CDH13: variants seen among roughly 807,000 people sequenced by gnomAD.
CDH13 encodes cadherin-13.
CDH13 carries 24 observed loss-of-function variants against 63.8 expected under a neutral mutation model. The observed-to-expected ratio is 0.38, with a 90% CI of 0.27 to 0.53. The LOEUF (loss-of-function observed/expected upper bound fraction) is 0.53. Among genes scored for constraint, CDH13 ranks in the 20% least tolerant of loss-of-function variants. The pLI, the probability that CDH13 is intolerant of heterozygous loss-of-function variation, is 0.85. For synonymous variants in CDH13, 503 were observed against 355.3 expected, an observed-to-expected ratio of 1.42 and a Z score of -4.67; for missense variants, 1,049 against 903.1, an observed-to-expected ratio of 1.16 and a Z score of -2.07.
Position 83,500,225 on chromosome 16 carries a change from TTTCTTCTCCTTCTTC to T in CDH13, c.960+13578_960+13592del, listed in dbSNP as rs1231985299. ...ACATTTGAATTCAGACACTAGTTTC[TTTCTTCTCCTTCTTC>T]TTCTTCTTCTTCTTCTTCTTCTTCT... On this transcript the variant is annotated intron_variant, in intron 7 of 13. Transcript: ENST00000567109. Among the ~76,000 whole-genome samples the T allele has an allele frequency of 8.1e-3, 255 of 31,566 alleles. 91 individuals carry two copies. The highest frequency in any genetic ancestry group is 0.027 in the African/African-American group (243 of 8,874). The allele number at this position is 31,566 out of a possible 152,430, so 20.7% of individuals were successfully genotyped here. A position where few individuals can be genotyped will look rare whatever the true frequency, so the allele number is the denominator to read the frequency against.
intron 6 of CDH13, among the ~76,000 whole-genome samples, chr16:83,481,116 T>C (rs914474890): frequency 2.0e-5 from 3 of 152,208 alleles, no homozygotes; most frequent in Non-Finnish European, 4.4e-5. Flanking sequence ...ATCAAAGAGG[T>C]TCACCTGGTG....
At chr16:83,662,517 C>T (rs979958905) in intron 8 of CDH13, among the ~76,000 whole-genome samples, 1 of 152,132 alleles carries the variant, frequency 6.6e-6, no homozygotes, top group Non-Finnish European at 1.5e-5. Context: ...CTGGGATTTG[C>T]TCCAAACAGT....
intron 4 of CDH13, among the ~76,000 whole-genome samples, chr16:83,203,033 C>G (rs1003502402): frequency 7.3e-5 from 11 of 151,598 alleles, no homozygotes; most frequent in African/African-American, 2.7e-4. Flanking sequence ...CGAGACCAGC[C>G]TGACCACCAT....
intron 7 of CDH13, among the ~76,000 whole-genome samples, chr16:83,494,147 T>C (rs1219337233): frequency 1.3e-5 from 2 of 152,200 alleles, no homozygotes; most frequent in African/African-American, 4.8e-5. Context: ...TTTCTTTTCT[T>C]TTTGGTATTT....
intron 1 of CDH13, among the ~76,000 whole-genome samples, chr16:82,733,358 T>G (rs2033499949): frequency 7.1e-6 from 1 of 140,718 alleles, no homozygotes; most frequent in South Asian, 2.4e-4. Context: ...TTATTATAAT[T>G]TATTTTTGCT....
At chr16:83,248,106 A>G (rs549103063) in intron 5 of CDH13, among the ~76,000 whole-genome samples, 27 of 152,278 alleles carry the variant, frequency 1.8e-4, no homozygotes, top group African/African-American at 6.3e-4. Flanking sequence ...TAATGAGATC[A>G]GAGACAGGGG....
At chr16:83,233,118 A>G (rs578152414) in intron 5 of CDH13, among the ~76,000 whole-genome samples, 2 of 152,320 alleles carry the variant, frequency 1.3e-5, no homozygotes, top group Non-Finnish European at 2.9e-5. Context: ...CTTCCTAAGT[A>G]AACAAAATAA....
intron 1 of CDH13, among the ~76,000 whole-genome samples, chr16:82,704,226 A>G (rs187367172): frequency 6.6e-6 from 1 of 152,262 alleles, no homozygotes; most frequent in Admixed American, 6.5e-5. Context: ...CTAGGGGCAC[A>G]CTGCCTCTAG....
intron 7 of CDH13, among the ~76,000 whole-genome samples, chr16:83,511,654 A>T (rs555571230): frequency 6.6e-6 from 1 of 152,334 alleles, no homozygotes; most frequent in South Asian, 2.1e-4. Context: ...AAATTCTGAT[A>T]TGAGCATCAC....
chr16:83,405,985 C>T (rs1003636874), intron 6 of CDH13, among the ~76,000 whole-genome samples: 20 of 152,236 alleles, frequency 1.3e-4, no homozygotes, highest in Non-Finnish European at 2.1e-4. Context: ...ACCTGGATCT[C>T]GGCTGCAGCT....
rs114141713 is a variant in CDH13, at chr16:83,558,922, T to C, written c.961-43532T>C. ...AGTCACATCGGGTCCTCTGTATCTG[T>C]GGCACAAGGGCAGACAGAGAGGTCA... is the stretch of plus-strand genomic sequence containing the variant. On this transcript the variant is annotated intron_variant, in intron 7 of 13. Coordinates refer to ENST00000567109, the MANE Select transcript of CDH13 (RefSeq NM_001257.5). 9.0e-3 allele frequency among the ~76,000 whole-genome samples: 1,363 copies of C among 150,992 alleles called. 16 individuals carry two copies. The highest frequency in any genetic ancestry group is 0.031 in the African/African-American group (1,270 of 41,016).
intron 1 of CDH13, among the ~76,000 whole-genome samples, chr16:82,734,959 G>T (rs1385720879): frequency 6.6e-6 from 1 of 152,158 alleles, no homozygotes; most frequent in Non-Finnish European, 1.5e-5. Flanking sequence ...GCACATAGAG[G>T]ATGTAGGGAG....
chr16:83,059,418 G>A (rs578049678), intron 3 of CDH13, among the ~76,000 whole-genome samples: 10 of 152,242 alleles, frequency 6.6e-5, no homozygotes, highest in African/African-American at 2.4e-4. Context: ...GTTGAACTCT[G>A]GGAGAGCCAG....
intron 1 of CDH13, among the ~76,000 whole-genome samples, chr16:82,793,978 A>G (rs553225844): frequency 6.6e-6 from 1 of 152,114 alleles, no homozygotes; most frequent in East Asian, 1.9e-4. Context: ...CCTGGATGCA[A>G]TTATCTGCTA....
chr16:83,127,948 A>T (rs148701311), intron 4 of CDH13, among the ~76,000 whole-genome samples: 1 of 152,176 alleles, frequency 6.6e-6, no homozygotes, highest in East Asian at 1.9e-4. Context: ...AGCCACTGTG[A>T]TGATCCTTTT....
chr16:82,945,671 C>A (rs1003101135), intron 2 of CDH13, among the ~76,000 whole-genome samples: 1 of 152,118 alleles, frequency 6.6e-6, no homozygotes, highest in Non-Finnish European at 1.5e-5. Context: ...ACTCCCTCTT[C>A]TATACTAAGT....
chr16:82,907,289 C>T (rs1014713016), intron 2 of CDH13, among the ~76,000 whole-genome samples: 1 of 152,014 alleles, frequency 6.6e-6, no homozygotes, highest in African/African-American at 2.4e-5. Context: ...CCACAGTGAC[C>T]CCCGCTGCCC....
At chr16:83,743,748 C>CTTTTCT (rs1912281679) in intron 10 of CDH13, among the ~76,000 whole-genome samples, 1 of 76,258 alleles carries the variant, frequency 1.3e-5, no homozygotes, top group East Asian at 4.7e-4. Flanking sequence ...TTTCTTTTTT[C>CTTTTCT]TTTTTTTTTT....
At chr16:82,925,693 A>C (rs1025350346) in intron 2 of CDH13, among the ~76,000 whole-genome samples, 1 of 152,214 alleles carries the variant, frequency 6.6e-6, no homozygotes, top group Non-Finnish European at 1.5e-5. Context: ...AACATGTCAG[A>C]CAGCCAGAAA....
Sources: gnomAD v4.1 joint callset for allele counts (sites outside exome capture counted in the v4.1 genomes callset) on GRCh38, gnomAD v4.1.1 for gene constraint, MANE v1.5 for transcripts, NCBI Gene and HGNC (gene_info 2026-07-23, HGNC 2026-07-21) for gene names.